TAFA2: variants seen among roughly 807,000 people sequenced by gnomAD.
TAFA2 encodes chemokine-like protein TAFA-2.
In TAFA2, 7 loss-of-function variants were observed where a neutral mutation model predicts 18.8. The ratio of observed to expected loss-of-function variants is 0.37; its 90% CI spans 0.21 to 0.70. The LOEUF is 0.70. Among genes scored for constraint, TAFA2 ranks in the 30% least tolerant of loss-of-function variants. The pLI, the probability that TAFA2 is intolerant of heterozygous loss-of-function variation, is 0.53. For missense variants in TAFA2, 122 were observed against 158.1 expected (o/e 0.77, Z 1.23); for synonymous variants, 60 against 54.2 (o/e 1.11, Z -0.47).
rs181229682 is a variant in TAFA2, at chr12:61,985,120, A to C, written c.-1-117694T>G. On this transcript the variant is annotated intron_variant, in intron 1 of 4. Coordinates refer to ENST00000416284, the MANE Select transcript of TAFA2 (RefSeq NM_178539.5). ...AGCCACATTCCATTTCTGTTGACAG[A>C]CTATGATATCTGACATAAGAGAAGT... Among the ~76,000 whole-genome samples the C allele has an allele frequency of 2.6e-5, 4 of 152,322 alleles. No individual in the cohort carries two copies. The East Asian group carries it at 7.7e-4, about 29-fold the overall frequency.
chr12:61,714,646 G>A (rs1199958329), intron 4 of TAFA2, among the ~76,000 whole-genome samples: 1 of 152,128 alleles, frequency 6.6e-6, no homozygotes, highest in Non-Finnish European at 1.5e-5. Flanking sequence ...TTTGAAATTA[G>A]GTGAACTCAA....
At chr12:61,797,266 CAAAAGA>C (rs1464718189) in intron 2 of TAFA2, among the ~76,000 whole-genome samples, 2 of 152,014 alleles carry the variant, frequency 1.3e-5, no homozygotes, top group African/African-American at 4.8e-5. Context: ...CTCACAGTGC[CAAAAGA>C]AAAAGAAAAA....
intron 1 of TAFA2, among the ~76,000 whole-genome samples, chr12:61,976,469 A>C (rs1015270595): frequency 2.0e-5 from 3 of 151,998 alleles, no homozygotes; most frequent in Non-Finnish European, 4.4e-5. Context: ...AAAAACAAAC[A>C]CACACAAATC....
rs539991432 is a variant in TAFA2 at position 61,709,353 on chromosome 12, T to C, written c.*1053A>G. ...ACTGAGGAAAATGAACAATTTTTTC[T>C]ATCAACAGATTGAACAAATATATAA... is the stretch of plus-strand genomic sequence containing the variant. On this transcript the variant is annotated 3_prime_UTR_variant, in exon 5 of 5. Coordinates refer to ENST00000416284, the MANE Select transcript of TAFA2 (RefSeq NM_178539.5). The C allele has an allele frequency of 1.3e-4, 20 of 152,312 alleles. No homozygotes were observed. Among genetic ancestry groups the C allele is most frequent in the African/African-American group, 4.8e-4 (20 of 41,586 alleles). The allele number at this position is 152,312 out of a possible 1,614,324, so 9.4% of individuals were successfully genotyped here.
At chr12:61,728,037 T>G (rs986944513) in intron 4 of TAFA2, among the ~76,000 whole-genome samples, 1 of 151,092 alleles carries the variant, frequency 6.6e-6, no homozygotes, top group African/African-American at 2.4e-5. Context: ...GGGTTGTTTT[T>G]TTTTTTTTTT....
chr12:62,184,685 A>G (rs2062574260), intron 1 of TAFA2, among the ~76,000 whole-genome samples: 1 of 151,172 alleles, frequency 6.6e-6, no homozygotes, highest in African/African-American at 2.4e-5. Flanking sequence ...TACTTTTGTA[A>G]AGGCAGGGTT....
intron 2 of TAFA2, among the ~76,000 whole-genome samples, chr12:61,791,551 G>T (rs1291534876): frequency 6.6e-6 from 1 of 151,660 alleles, no homozygotes; most frequent in Non-Finnish European, 1.5e-5. Context: ...ATAAAAGTGG[G>T]CAAAAGACCT....
chr12:62,041,379 A>T (rs1266999660), intron 1 of TAFA2, among the ~76,000 whole-genome samples: 2 of 152,132 alleles, frequency 1.3e-5, no homozygotes, highest in Admixed American at 1.3e-4. Flanking sequence ...GGACTGGTGA[A>T]CTCCATGAAA....
chr12:62,181,741 G>A (rs574516274), intron 1 of TAFA2, among the ~76,000 whole-genome samples: 37 of 152,248 alleles, frequency 2.4e-4, no homozygotes, highest in African/African-American at 7.9e-4. Flanking sequence ...ATAGAGTCAC[G>A]TACCTTAGCT....
intron 1 of TAFA2, among the ~76,000 whole-genome samples, chr12:62,077,158 T>C (rs1329437805): frequency 6.6e-6 from 1 of 152,248 alleles, no homozygotes; most frequent in Non-Finnish European, 1.5e-5. Context: ...TAGAGAATTA[T>C]TGTTGGCTGA....
intron 1 of TAFA2, among the ~76,000 whole-genome samples, chr12:62,247,476 C>T (rs942194785): frequency 6.6e-6 from 1 of 152,208 alleles, no homozygotes; most frequent in East Asian, 1.9e-4. Flanking sequence ...TTCTTGTAGA[C>T]AAGCTCCTCG....
At chr12:62,142,596 C>T (rs1381664915) in intron 1 of TAFA2, among the ~76,000 whole-genome samples, 3 of 152,150 alleles carry the variant, frequency 2.0e-5, no homozygotes, top group Admixed American at 6.5e-5. Flanking sequence ...CTACACCACA[C>T]TTAGAGGAGA....
At chr12:62,250,027 A>G (rs2062905072) in intron 1 of TAFA2, among the ~76,000 whole-genome samples, 1 of 152,124 alleles carries the variant, frequency 6.6e-6, no homozygotes. Flanking sequence ...AAAAGGGTTT[A>G]TTTGTCTCAG....
chr12:62,136,211 G>A (rs1335454702), intron 1 of TAFA2, among the ~76,000 whole-genome samples: 1 of 152,064 alleles, frequency 6.6e-6, no homozygotes, highest in Non-Finnish European at 1.5e-5. Flanking sequence ...AGATTAAGTT[G>A]ATCCAAGAAT....
intron 1 of TAFA2, among the ~76,000 whole-genome samples, chr12:62,228,996 CTTTT>C (rs2062800496): frequency 6.6e-6 from 1 of 151,774 alleles, no homozygotes; most frequent in Non-Finnish European, 1.5e-5. Context: ...TGGAATTATT[CTTTT>C]TTATTTCTTT....
chr12:62,071,284 A>T (rs915467546), intron 1 of TAFA2, among the ~76,000 whole-genome samples: 3 of 152,154 alleles, frequency 2.0e-5, no homozygotes, highest in African/African-American at 7.2e-5. Context: ...CGGACCCGGG[A>T]AGGTCAGCAT....
intron 1 of TAFA2, among the ~76,000 whole-genome samples, chr12:61,981,954 A>G (rs993471113): frequency 6.6e-6 from 1 of 152,170 alleles, no homozygotes; most frequent in African/African-American, 2.4e-5. Flanking sequence ...ATACCCAAAT[A>G]ATTATAAATC....
chr12:62,228,418 G>A (rs2062797430), intron 1 of TAFA2, among the ~76,000 whole-genome samples: 1 of 152,146 alleles, frequency 6.6e-6, no homozygotes, highest in Non-Finnish European at 1.5e-5. Flanking sequence ...GGAATTGCTG[G>A]ATCAAATGGT....
chr12:61,835,853 T>C (rs997022366), intron 2 of TAFA2, among the ~76,000 whole-genome samples: 1 of 151,984 alleles, frequency 6.6e-6, no homozygotes, highest in Non-Finnish European at 1.5e-5. Context: ...TTAGACTCTA[T>C]TTTAAACCCT....
Sources: allele counts gnomAD v4.1 joint callset (sites outside exome capture counted in the v4.1 genomes callset), GRCh38; gene constraint gnomAD v4.1.1; transcripts MANE v1.5; gene names NCBI Gene and HGNC (gene_info 2026-07-23, HGNC 2026-07-21).